Variants in TRHR observed in about 807,000 individuals in gnomAD.
TRHR encodes the protein thyrotropin-releasing hormone receptor.
In TRHR, 14 loss-of-function variants were observed where a neutral mutation model predicts 28.0. That is an observed-to-expected ratio of 0.50 (90% CI 0.33 to 0.78). The LOEUF (loss-of-function observed/expected upper bound fraction) is 0.78, where lower values mean the gene tolerates loss of function less well. Ranked by LOEUF, TRHR falls within the 30% of genes least tolerant of loss-of-function variation. The pLI is 0.02. For missense variants in TRHR, 438 were observed against 469.5 expected (o/e 0.93, Z 0.62); for synonymous variants, 176 against 171.9 (o/e 1.02, Z -0.18).
chr8:109,115,729 A>G (rs1184264538), intron 2 of TRHR, among the ~76,000 whole-genome samples: 1 of 152,116 alleles, frequency 6.6e-6, no homozygotes, highest in Non-Finnish European at 1.5e-5. Context: ...GGTTTTCTAA[A>G]TATACAATCA....
intron 2 of TRHR, among the ~76,000 whole-genome samples, chr8:109,118,593 C>G (rs941420620): frequency 1.3e-5 from 2 of 151,812 alleles, no homozygotes; most frequent in Non-Finnish European, 2.9e-5. Flanking sequence ...GGAAATATCC[C>G]ACTTCAGGCA....
At position 109,119,425 on chromosome 8, in the gene TRHR, G is replaced by A. The variant is rs1465898828; in HGVS notation, c.1167G>A (p.Leu389=). 6.2e-7 allele frequency: 1 copy of A among 1,612,148 alleles called. No individual in the cohort carries two copies. The highest frequency in any genetic ancestry group is 2.2e-5 in the East Asian group (1 of 44,824). The change falls in exon 3 of 3, where the codon TTG becomes TTA. Residue 389 remains leucine (L), a synonymous_variant. Transcript: ENST00000518632. ...AAGTGTCTTTTGATGACACCTGCTT[G>A]GCTTCTGAGGTATCCTTTAGCCAAA... ...ATKVSFDDTC[L]ASEVSFSQS
At chr8:109,102,416 A>G (rs1450327630) in intron 2 of TRHR, among the ~76,000 whole-genome samples, 2 of 152,170 alleles carry the variant, frequency 1.3e-5, no homozygotes, top group African/African-American at 4.8e-5. Flanking sequence ...CTTGTCAGAA[A>G]GGATTGTGCC....
chr8:109,089,038 A>C (rs1811486264), intron 2 of TRHR, among the ~76,000 whole-genome samples: 1 of 152,200 alleles, frequency 6.6e-6, no homozygotes, highest in African/African-American at 2.4e-5. Context: ...AGATCACCTG[A>C]ATGTGCATAT....
rs768293670 is a variant in TRHR at position 109,119,247 on chromosome 8, C to T, written c.989C>T (p.Ala330Val). 1 of 1,612,724 alleles carries T rather than the reference C, an allele frequency of 6.2e-7. No individual in the cohort carries two copies. Among genetic ancestry groups the T allele is most frequent in the African/African-American group, 1.3e-5 (1 of 74,748 alleles). The change falls in exon 3 of 3, where the codon GCC becomes GTC. Residue 330 changes from alanine (A) to valine (V), a missense_variant. By Grantham distance (64) the Ala-to-Val change is moderately conservative. Coordinates refer to ENST00000518632, the MANE Select transcript of TRHR (RefSeq NM_003301.7). ...YNLMSQKFRA[A>V]FRKLCNCKQK... is the part of the protein sequence containing the mutation. ...CTCATGTCCCAGAAATTCCGTGCAG[C>T]CTTCAGAAAGCTCTGCAACTGCAAG...
intron 2 of TRHR, among the ~76,000 whole-genome samples, chr8:109,102,352 C>A (rs78127434): frequency 6.6e-6 from 1 of 151,976 alleles, no homozygotes; most frequent in Non-Finnish European, 1.5e-5. Flanking sequence ...ATATTGATGG[C>A]GCATGGTTCC....
intron 2 of TRHR, among the ~76,000 whole-genome samples, chr8:109,114,107 T>C (rs1309524800): frequency 1.3e-5 from 2 of 152,094 alleles, no homozygotes; most frequent in Admixed American, 6.6e-5. Context: ...ATGCCACTTA[T>C]TCTACATATT....
intron 2 of TRHR, among the ~76,000 whole-genome samples, chr8:109,097,298 C>T (rs888168590): frequency 6.6e-6 from 1 of 152,088 alleles, no homozygotes; most frequent in African/African-American, 2.4e-5. Flanking sequence ...GACTAATTTT[C>T]CTCAAACAGT....
intron 2 of TRHR, among the ~76,000 whole-genome samples, chr8:109,089,027 T>C (rs919970953): frequency 2.0e-5 from 3 of 152,246 alleles, no homozygotes; most frequent in African/African-American, 7.2e-5. Context: ...GTTATACTTT[T>C]AGATCACCTG....
intron 2 of TRHR, among the ~76,000 whole-genome samples, chr8:109,093,907 G>A (rs966983980): frequency 1.3e-5 from 2 of 150,350 alleles, no homozygotes; most frequent in African/African-American, 4.9e-5. Flanking sequence ...GCCTTCACCT[G>A]TCTGGAACTT....
At chr8:109,099,774 C>G (rs1384518192) in intron 2 of TRHR, among the ~76,000 whole-genome samples, 1 of 152,166 alleles carries the variant, frequency 6.6e-6, no homozygotes, top group Non-Finnish European at 1.5e-5. Flanking sequence ...TGACTTTTGG[C>G]TATAATCCTT....
At chr8:109,092,455 G>C (rs1036548159) in intron 2 of TRHR, among the ~76,000 whole-genome samples, 1 of 150,010 alleles carries the variant, frequency 6.7e-6, no homozygotes, top group African/African-American at 2.4e-5. Flanking sequence ...ATTTATTTTT[G>C]AGATAGAGTC....
intron 2 of TRHR, among the ~76,000 whole-genome samples, chr8:109,095,430 G>T (rs1811574461): frequency 6.6e-6 from 1 of 152,170 alleles, no homozygotes; most frequent in Non-Finnish European, 1.5e-5. Flanking sequence ...GTAGATGGGA[G>T]AAGACTGGGC....
chr8:109,116,871 G>A (rs7839820), intron 2 of TRHR, among the ~76,000 whole-genome samples: 26,198 of 151,928 alleles, frequency 0.17, 3,340 homozygotes, highest in African/African-American at 0.36. Flanking sequence ...AGATCAACAA[G>A]TATAGGTCAC....
chr8:109,103,732 T>A (rs550311453), intron 2 of TRHR, among the ~76,000 whole-genome samples: 2 of 152,274 alleles, frequency 1.3e-5, no homozygotes, highest in East Asian at 3.9e-4. Flanking sequence ...TCATGGCTTT[T>A]AAGCTAATGA....
At chr8:109,117,127 G>A (rs772811949) in intron 2 of TRHR, among the ~76,000 whole-genome samples, 2 of 152,000 alleles carry the variant, frequency 1.3e-5, no homozygotes, top group African/African-American at 2.4e-5. Context: ...GCAGCAGTAA[G>A]TGTTGTTGGG....
Position 109,119,862 on chromosome 8 carries a change from G to C in TRHR, c.*407G>C, listed in dbSNP as rs1811979458. ...ACATTCGATAATTTGACAACATGCA[G>C]ATTTTTAAATGTTTGCATTTAGTAT... is the stretch of plus-strand genomic sequence containing the variant. On this transcript the variant is annotated 3_prime_UTR_variant, in exon 3 of 3. Coordinates refer to ENST00000518632, the MANE Select transcript of TRHR (RefSeq NM_003301.7). Among the ~76,000 whole-genome samples the C allele has an allele frequency of 6.6e-6, 1 of 151,796 alleles. No individual in the cohort carries two copies. Among genetic ancestry groups the C allele is most frequent in the Admixed American group, 6.6e-5 (1 of 15,206 alleles).
rs1287255087 is a variant in TRHR, at chr8:109,119,167, C to G, written c.909C>G (p.Leu303=). 2 of 1,612,796 alleles carry G rather than the reference C, an allele frequency of 1.2e-6. No individual in the cohort carries two copies. The highest frequency in any genetic ancestry group is 1.7e-6 in the Non-Finnish European group (2 of 1,179,234). The change falls in exon 3 of 3, where the codon CTC becomes CTG. Residue 303 remains leucine, a synonymous_variant. Coordinates refer to ENST00000518632, the MANE Select transcript of TRHR (RefSeq NM_003301.7). ...SSPFQENWFL[L]FCRICIYLNS... Reference sequence around the variant, plus strand: ...CTTTCCAAGAAAATTGGTTTTTGCTCTTTTGCAGAATTTGCATTTATCTCA... The same window carrying G: ...CTTTCCAAGAAAATTGGTTTTTGCTGTTTTGCAGAATTTGCATTTATCTCA...
intron 2 of TRHR, among the ~76,000 whole-genome samples, chr8:109,116,428 C>G (rs560537813): frequency 6.6e-6 from 1 of 151,936 alleles, no homozygotes; most frequent in Non-Finnish European, 1.5e-5. Context: ...AATCCTTCTG[C>G]TCCTGGACTT....
Sources: allele counts gnomAD v4.1 joint callset (sites outside exome capture counted in the v4.1 genomes callset), GRCh38; gene constraint gnomAD v4.1.1; transcripts MANE v1.5; gene names NCBI Gene and HGNC (gene_info 2026-07-23, HGNC 2026-07-21).